The following PFKP variants were observed in gnomAD, a reference collection of about 807,000 sequenced individuals.
PFKP encodes the protein phosphofructokinase, platelet, also known as ATP-dependent 6-phosphofructokinase, platelet type.
Under a neutral mutation model 94.3 loss-of-function variants are expected in PFKP, and 101 were observed. The ratio of observed to expected loss-of-function variants is 1.07; its 90% CI spans 0.91 to 1.26. The LOEUF (loss-of-function observed/expected upper bound fraction) is 1.26, where lower values mean the gene tolerates loss of function less well. Among genes scored for constraint, PFKP ranks in the 50% most tolerant of loss-of-function variants. The pLI is 0.00. For synonymous variants in PFKP, 573 were observed against 432.6 expected (o/e 1.32, Z -4.03); for missense variants, 1,145 against 1,103.3 (o/e 1.04, Z -0.53).
intron 1 of PFKP, among the ~76,000 whole-genome samples, chr10:3,077,514 C>T (rs530271136): frequency 5.7e-4 from 87 of 151,982 alleles, no homozygotes; most frequent in African/African-American, 1.9e-3. Flanking sequence ...GATCCGCCCA[C>T]CTTGGCCTCC....
intron 11 of PFKP, among the ~76,000 whole-genome samples, chr10:3,112,626 C>A (rs1482722518): frequency 6.6e-6 from 1 of 152,198 alleles, no homozygotes; most frequent in Non-Finnish European, 1.5e-5. Flanking sequence ...GGTGCCATCT[C>A]AGCTCCCTGC....
At chr10:3,090,665 T>C (rs988979321) in intron 2 of PFKP, among the ~76,000 whole-genome samples, 4 of 151,670 alleles carry the variant, frequency 2.6e-5, no homozygotes, top group Non-Finnish European at 4.4e-5. Flanking sequence ...CCTTTGACTC[T>C]CAGGATGCGG....
In PFKP at chr10:3,132,232, C is replaced by G. The variant is rs111379710; in HGVS notation, c.1849-148C>G. The stretch of plus-strand genomic sequence containing the variant: ...CGTGTCCTCCCTATCTGGGAGGAGG[C>G]TCCCCAAGACCCAAGCCGCGAGAGC... On this transcript the variant is annotated intron_variant, in intron 17 of 21. Coordinates refer to ENST00000381125, the MANE Select transcript of PFKP (RefSeq NM_002627.5). 1.1e-4 allele frequency: 68 copies of G among 608,402 alleles called. 4 individuals carry two copies. The highest frequency in any genetic ancestry group is 1.0e-3 in the African/African-American group (54 of 54,228). 37.7% of individuals were successfully genotyped at this position (608,402 alleles called of 1,614,324 possible).
chr10:3,122,829 G>A (rs1005762231), intron 16 of PFKP, among the ~76,000 whole-genome samples: 5 of 152,200 alleles, frequency 3.3e-5, no homozygotes, highest in Admixed American at 1.3e-4. Context: ...TGTTTGCAAC[G>A]TCCAGGGAGG....
chr10:3,111,342 G>T (rs567737429), intron 10 of PFKP, among the ~76,000 whole-genome samples: 9 of 152,282 alleles, frequency 5.9e-5, no homozygotes, highest in African/African-American at 2.2e-4. Flanking sequence ...GTGTGAGGTA[G>T]TGTGTGTCTG....
In PFKP at chr10:3,134,556, C is replaced by G. The variant is rs140434573; in HGVS notation, c.2096C>G (p.Ala699Gly). Residue 699 changes from alanine (A) to glycine (G), a missense_variant, in exon 20 of 22, where the codon GCA (alanine) becomes GGA (glycine). This residue lies in a region of PFKP where 1,119 missense variants were observed against 1,062.8 expected (regional missense o/e 1.05). Coordinates refer to ENST00000381125, the MANE Select transcript of PFKP (RefSeq NM_002627.5). ...GCCAGAGCTATGGAGTGGATCACTG[C>G]AAAACTCAAGGAGGCCCGGGGCAGA... ...ISARAMEWIT[A>G]KLKEARGRGK... 1 of 1,613,552 alleles carries G rather than the reference C, an allele frequency of 6.2e-7. No homozygotes were observed. The highest frequency in any genetic ancestry group is 2.2e-5 in the East Asian group (1 of 44,900).
At chr10:3,130,368 C>T (rs1040869161) in intron 17 of PFKP, among the ~76,000 whole-genome samples, 3 of 152,302 alleles carry the variant, frequency 2.0e-5, no homozygotes, top group Non-Finnish European at 4.4e-5. Flanking sequence ...CCTGATGCTG[C>T]GTCTGCCTCT....
intron 16 of PFKP, among the ~76,000 whole-genome samples, chr10:3,126,894 C>T (rs145258620): frequency 6.6e-6 from 1 of 152,232 alleles, no homozygotes; most frequent in Admixed American, 6.5e-5. Context: ...CACATCCCAT[C>T]GTGCAGGGGG....
At chr10:3,131,316 A>T (rs1838561186) in intron 17 of PFKP, among the ~76,000 whole-genome samples, 1 of 152,018 alleles carries the variant, frequency 6.6e-6, no homozygotes, top group Admixed American at 6.5e-5. Context: ...GCAAGGCTTA[A>T]GTCACCTAGC....
chr10:3,130,496 C>T (rs554609209), intron 17 of PFKP, among the ~76,000 whole-genome samples: 1 of 152,312 alleles, frequency 6.6e-6, no homozygotes, highest in South Asian at 2.1e-4. Flanking sequence ...GGCCTGGACC[C>T]TGCAACATTC....
intron 2 of PFKP, among the ~76,000 whole-genome samples, chr10:3,087,459 G>C (rs894112363): frequency 6.6e-6 from 1 of 152,184 alleles, no homozygotes; most frequent in African/African-American, 2.4e-5. Flanking sequence ...CTGACTCTGA[G>C]ATCTCATTTC....
Position 3,076,562 on chromosome 10 carries a change from C to A in PFKP, c.113-5826C>A, listed in dbSNP as rs192494365. Among the ~76,000 whole-genome samples, 188 of 152,198 alleles carry A rather than the reference C, an allele frequency of 1.2e-3. 2 individuals carry two copies. The highest frequency in any genetic ancestry group is 4.3e-3 in the African/African-American group (177 of 41,516). On this transcript the variant is annotated intron_variant, in intron 1 of 21. Transcript: ENST00000381125. ...CACACCCTCAACACCCCCCACCCCGCTTGTTATTTTTCTCCTTAGCACTTA... is the reference window on the plus strand; with the variant it reads ...CACACCCTCAACACCCCCCACCCCGATTGTTATTTTTCTCCTTAGCACTTA...
intron 16 of PFKP, among the ~76,000 whole-genome samples, chr10:3,128,525 C>A (rs1057388873): frequency 6.6e-6 from 1 of 152,192 alleles, no homozygotes; most frequent in Non-Finnish European, 1.5e-5. Context: ...AGCTCTGGAG[C>A]GCAGGAGCCA....
chr10:3,102,025 G>A (rs1275578662), intron 4 of PFKP, among the ~76,000 whole-genome samples: 2 of 150,602 alleles, frequency 1.3e-5, no homozygotes, highest in Non-Finnish European at 3.0e-5. Flanking sequence ...GCCGAGGCGG[G>A]CGGATCACGA....
At chr10:3,118,664 C>T (rs1194089900) in intron 14 of PFKP, 118 bp from the exon 15 acceptor site, 59 of 648,764 alleles carry the variant, frequency 9.1e-5, no homozygotes, top group South Asian at 7.4e-4. Context: ...AGACGTTTAC[C>T]GCTCCTTAAT....
rs112518782 is a variant in PFKP at position 3,105,230 on chromosome 10, G to A, written c.665+71G>A. 1.7e-5 allele frequency: 25 copies of A among 1,443,276 alleles called. 1 individual carries two copies. In the African/African-American group the frequency reaches 2.4e-4, roughly 14 times the overall value. 89.4% of individuals were successfully genotyped at this position (1,443,276 alleles called of 1,614,324 possible). A position where few individuals can be genotyped will look rare whatever the true frequency, so the allele number is the denominator to read the frequency against. Reference sequence around the variant, plus strand: ...CCCTCAGCATCATCTCCCTGAGGCTGCACCCCACATCCTGAATGCTCCCGT... The same window carrying A: ...CCCTCAGCATCATCTCCCTGAGGCTACACCCCACATCCTGAATGCTCCCGT... On this transcript the variant is annotated intron_variant, in intron 6 of 21. Coordinates refer to ENST00000381125, the MANE Select transcript of PFKP (RefSeq NM_002627.5).
Position 3,103,880 on chromosome 10 carries a change from G to T in PFKP, c.556G>T (p.Gly186Cys). ...NDFCGTDMTI[G>C]TDSALHRIIE... ...TTTCTGCGGCACCGACATGACCATC[G>T]GCACGGACTCCGCCCTGCACAGGAT... is the stretch of plus-strand genomic sequence containing the variant. The change falls in exon 5 of 22, where the codon GGC (glycine) becomes TGC (cysteine). Residue 186 changes from glycine (G) to cysteine (C), a missense_variant. Around this residue, in one of 3 missense-constraint regions of PFKP, gnomAD observed 1,119 missense variants for 1,062.8 expected, o/e 1.05. Coordinates refer to ENST00000381125, the MANE Select transcript of PFKP (RefSeq NM_002627.5). 6.2e-7 allele frequency: 1 copy of T among 1,613,970 alleles called. No individual in the cohort carries two copies. The highest frequency in any genetic ancestry group is 2.2e-5 in the East Asian group (1 of 44,870).
At position 3,113,275 on chromosome 10, in the gene PFKP, T is replaced by C. The variant is rs1836443092; in HGVS notation, c.1224+87T>C. The C allele has an allele frequency of 8.2e-6, 13 of 1,579,716 alleles. No individual in the cohort carries two copies. In the South Asian group the frequency reaches 1.5e-4, roughly 18 times the overall value. ...GCCTCAGTGAATGAGGCCACCTGTT[T>C]TCAGGCCTGGCACGGCATGAGCCAC... On this transcript the variant is annotated intron_variant, in intron 12 of 21. Coordinates refer to ENST00000381125, the MANE Select transcript of PFKP (RefSeq NM_002627.5).
chr10:3,121,803 C>CTTTTT lies in PFKP; in HGVS notation c.1683+1782_1683+1786dup, dbSNP rs759926178. On this transcript the variant is annotated intron_variant, in intron 16 of 21. Coordinates refer to ENST00000381125, the MANE Select transcript of PFKP (RefSeq NM_002627.5). The stretch of plus-strand genomic sequence containing the variant: ...TAGGTTAAACAATTTCTTTTTTTTT[C>CTTTTT]TTTTTTTTTTTTTTTTTTTTTTTTT... Among the ~76,000 whole-genome samples the CTTTTT allele has an allele frequency of 4.5e-3, 146 of 32,602 alleles. 14 individuals carry two copies. Among genetic ancestry groups the CTTTTT allele is most frequent in the Non-Finnish European group, 5.6e-3 (94 of 16,866 alleles). 21.4% of individuals were successfully genotyped at this position (32,602 alleles called of 152,430 possible).
Sources: allele counts gnomAD v4.1 joint callset (sites outside exome capture counted in the v4.1 genomes callset), GRCh38; gene constraint gnomAD v4.1.1; regional missense constraint gnomAD v4.1.1; transcripts MANE v1.5; gene names NCBI Gene and HGNC (gene_info 2026-07-23, HGNC 2026-07-21).